PIK3R1: variants seen among roughly 807,000 people sequenced by gnomAD.
PIK3R1 encodes the protein phosphoinositide-3-kinase regulatory subunit 1.
Under a neutral mutation model 98.0 loss-of-function variants are expected in PIK3R1, and 29 were observed. That is an observed-to-expected ratio of 0.30 (90% CI 0.22 to 0.40). PIK3R1 has a LOEUF of 0.40. Ranked by LOEUF, PIK3R1 falls within the 10% of genes least tolerant of loss-of-function variation. The probability of loss-of-function intolerance (pLI) is 1.00; values close to 1 mark genes in which losing one functional copy is unlikely to be tolerated. For missense variants in PIK3R1, 596 were observed against 872.7 expected, an observed-to-expected ratio of 0.68 and a Z score of 3.99; for synonymous variants, 282 against 311.8, an observed-to-expected ratio of 0.90 and a Z score of 1.01.
Position 68,280,645 on chromosome 5 carries a change from C to T in PIK3R1, c.752C>T (p.Ser251Phe), listed in dbSNP as rs1184502086. 29 of 1,613,930 alleles carry T rather than the reference C, an allele frequency of 1.8e-5. No individual in the cohort carries two copies. The highest frequency in any genetic ancestry group is 2.5e-5 in the Non-Finnish European group (29 of 1,179,976). ...TTGTTAAAACATTTCTTCAAGCTCT[C>T]TCAAACCTCCAGCAAAAATCTGTTG... ...QYLLKHFFKL[S>F]QTSSKNLLNA... is the part of the protein sequence containing the mutation. The change falls in exon 6 of 16, where the codon TCT becomes TTT. Residue 251 changes from serine to phenylalanine, a missense_variant. Around this residue, in one of 3 missense-constraint regions of PIK3R1, gnomAD observed 352 missense variants for 393.3 expected, o/e 0.90. Coordinates refer to ENST00000521381, the MANE Select transcript of PIK3R1 (RefSeq NM_181523.3).
chr5:68,238,257 A>G (rs1325453751), intron 2 of PIK3R1, among the ~76,000 whole-genome samples: 2 of 152,190 alleles, frequency 1.3e-5, no homozygotes, highest in Non-Finnish European at 2.9e-5. Flanking sequence ...ACTAGCACCC[A>G]AGTGGATCCC....
intron 1 of PIK3R1, among the ~76,000 whole-genome samples, chr5:68,220,215 A>G (rs1279895597): frequency 6.6e-6 from 1 of 152,230 alleles, no homozygotes; most frequent in Non-Finnish European, 1.5e-5. Flanking sequence ...TTTAGGCACA[A>G]TCTGACTGGG....
chr5:68,262,796 C>CATATATACATGTAGATACAT lies in PIK3R1; in HGVS notation c.335-10594_335-10593insATATATACATGTAGATACAT, dbSNP rs150097762. 1.1e-4 allele frequency among the ~76,000 whole-genome samples: 2 copies of CATATATACATGTAGATACAT among 18,506 alleles called. 1 individual carries two copies. The highest frequency in any genetic ancestry group is 5.2e-4 in the African/African-American group (2 of 3,816). 12.1% of individuals were successfully genotyped at this position (18,506 alleles called of 152,430 possible). A position where few individuals can be genotyped will look rare whatever the true frequency, so the allele number is the denominator to read the frequency against. On this transcript the variant is annotated intron_variant, in intron 2 of 15. Coordinates refer to ENST00000521381, the MANE Select transcript of PIK3R1 (RefSeq NM_181523.3). ...GTAGATGCATGTAGATACATGTATACGTAGATACATGTATACATGTAGATA... is the reference window on the plus strand; with the variant it reads ...GTAGATGCATGTAGATACATGTATACATATATACATGTAGATACATGTAGATACATGTATACATGTAGATA...
chr5:68,262,044 C>T (rs995801008), intron 2 of PIK3R1, among the ~76,000 whole-genome samples: 4 of 152,084 alleles, frequency 2.6e-5, no homozygotes. Flanking sequence ...CATCCACCAG[C>T]CTGAGTCACT....
intron 4 of PIK3R1, among the ~76,000 whole-genome samples, chr5:68,276,934 C>T (rs556150204): frequency 4.7e-4 from 71 of 152,248 alleles, no homozygotes; most frequent in African/African-American, 1.6e-3. Context: ...CTGCCCTTGA[C>T]GTACCTCGGT....
intron 7 of PIK3R1, among the ~76,000 whole-genome samples, chr5:68,286,482 T>C (rs1747082496): frequency 6.6e-6 from 1 of 152,214 alleles, no homozygotes. Context: ...AAGCAGGAAT[T>C]ACTGATTCAG....
At chr5:68,263,184 CAT>C (rs1745968216) in intron 2 of PIK3R1, among the ~76,000 whole-genome samples, 1 of 138,236 alleles carries the variant, frequency 7.2e-6, no homozygotes, top group African/African-American at 2.7e-5. Context: ...TCTATATATA[CAT>C]ATATCTACAT....
intron 14 of PIK3R1, 30 bp from the exon 15 acceptor site, chr5:68,296,141 A>ATT: frequency 6.2e-6 from 10 of 1,611,922 alleles, no homozygotes; most frequent in Non-Finnish European, 7.6e-6. Context: ...TGCACTCTTC[A>ATT]TTTAGAAACT....
intron 2 of PIK3R1, among the ~76,000 whole-genome samples, chr5:68,250,559 C>T (rs959682403): frequency 6.6e-6 from 1 of 152,150 alleles, no homozygotes; most frequent in African/African-American, 2.4e-5. Flanking sequence ...CAAAACATGC[C>T]CGTTTGCAGT....
At chr5:68,224,200 G>A (rs995483813) in intron 1 of PIK3R1, among the ~76,000 whole-genome samples, 2 of 152,196 alleles carry the variant, frequency 1.3e-5, no homozygotes, top group Admixed American at 1.3e-4. Context: ...AGAGGTCTCT[G>A]TCTCTTTTGT....
At chr5:68,237,006 T>C (rs1403436938) in intron 2 of PIK3R1, among the ~76,000 whole-genome samples, 1 of 152,250 alleles carries the variant, frequency 6.6e-6, no homozygotes, top group African/African-American at 2.4e-5. Flanking sequence ...CCTTGATAAA[T>C]AGATTTACCT....
rs202176041 is a variant in PIK3R1, at chr5:68,295,142, C to A, written c.1569-6C>A. On this transcript the variant is annotated splice_region_variant and splice_polypyrimidine_tract_variant and intron_variant, in intron 12 of 15. Transcript: ENST00000521381. ...ATAATAACAAATACGTTTCTTTTGC[C>A]TGCAGGATTATGCATAATTATGATA... 6.2e-7 allele frequency: 1 copy of A among 1,611,836 alleles called. No individual in the cohort carries two copies. The highest frequency in any genetic ancestry group is 8.5e-7 in the Non-Finnish European group (1 of 1,178,626).
chr5:68,261,893 T>A (rs1745768301), intron 2 of PIK3R1, among the ~76,000 whole-genome samples: 1 of 152,130 alleles, frequency 6.6e-6, no homozygotes, highest in African/African-American at 2.4e-5. Context: ...CCCTATCCCT[T>A]CCCTTTCTGC....
At chr5:68,221,704 G>A (rs981342795) in intron 1 of PIK3R1, among the ~76,000 whole-genome samples, 2 of 152,224 alleles carry the variant, frequency 1.3e-5, no homozygotes, top group East Asian at 3.8e-4. Flanking sequence ...AATGCCTATA[G>A]GTTAGAGGGT....
At chr5:68,234,823 A>G (rs1000105055) in intron 2 of PIK3R1, among the ~76,000 whole-genome samples, 5 of 152,196 alleles carry the variant, frequency 3.3e-5, no homozygotes, top group East Asian at 1.9e-4. Flanking sequence ...GCATTAGACA[A>G]GGCTGCATTG....
intron 10 of PIK3R1, 39 bp downstream of exon 10, chr5:68,293,522 A>G (rs1054455988): frequency 6.7e-7 from 1 of 1,492,496 alleles, no homozygotes; most frequent in Non-Finnish European, 9.2e-7. Context: ...TACGATGTTT[A>G]GACAAGATCC....
At chr5:68,271,098 T>A (rs1416098006) in intron 2 of PIK3R1, among the ~76,000 whole-genome samples, 1 of 152,226 alleles carries the variant, frequency 6.6e-6, no homozygotes, top group Non-Finnish European at 1.5e-5. Context: ...AAAGCTTATT[T>A]CTAACCCCAA....
intron 2 of PIK3R1, among the ~76,000 whole-genome samples, chr5:68,259,257 G>A (rs1377545349): frequency 6.6e-6 from 1 of 152,062 alleles, no homozygotes; most frequent in Non-Finnish European, 1.5e-5. Flanking sequence ...GGATATGTGG[G>A]GTTAAATAAA....
At chr5:68,275,946 A>G (rs1369242955) in intron 4 of PIK3R1, among the ~76,000 whole-genome samples, 2 of 152,216 alleles carry the variant, frequency 1.3e-5, no homozygotes, top group African/African-American at 4.8e-5. Context: ...TCATCCATAC[A>G]TTAACTTTGT....
Sources: allele counts gnomAD v4.1 joint callset (sites outside exome capture counted in the v4.1 genomes callset), GRCh38; gene constraint gnomAD v4.1.1; regional missense constraint gnomAD v4.1.1; transcripts MANE v1.5; gene names NCBI Gene and HGNC (gene_info 2026-07-23, HGNC 2026-07-21).